Variants in AGO2 observed in about 807,000 individuals in gnomAD.
AGO2 encodes argonaute RISC catalytic component 2.
Under a neutral mutation model 102.3 loss-of-function variants are expected in AGO2, and 5 were observed. The observed-to-expected ratio is 0.05, with a 90% confidence interval of 0.03 to 0.10. AGO2 has a LOEUF of 0.10. Among genes scored for constraint, AGO2 ranks in the 10% least tolerant of loss-of-function variants. The pLI, the probability that AGO2 is intolerant of heterozygous loss-of-function variation, is 1.00. For missense variants in AGO2, 541 were observed against 1,183.7 expected (o/e 0.46, Z 7.97); for synonymous variants, 449 against 473.1 (o/e 0.95, Z 0.66).
chr8:140,605,171 T>C (rs2133056502), intron 1 of AGO2, among the ~76,000 whole-genome samples: 1 of 152,312 alleles, frequency 6.6e-6, no homozygotes, highest in African/African-American at 2.4e-5. Flanking sequence ...CTCAGCTGCC[T>C]GCAACTTCCG....
In AGO2 at chr8:140,549,367, C is replaced by G. The variant is rs551636495; in HGVS notation, c.1404-69G>C. 3.5e-5 allele frequency: 52 copies of G among 1,467,886 alleles called. No homozygotes were observed. In the South Asian group the frequency reaches 5.8e-4, roughly 16 times the overall value. 90.9% of individuals were successfully genotyped at this position (1,467,886 alleles called of 1,614,324 possible). A position where few individuals can be genotyped will look rare whatever the true frequency, so the allele number is the denominator to read the frequency against. On this transcript the variant is annotated intron_variant, in intron 11 of 18. Coordinates refer to ENST00000220592, the MANE Select transcript of AGO2 (RefSeq NM_012154.5). ...AGAGAACTCAGGCCGACCAGAGGCT[C>G]TAACACAAGGGCGTCATTTTTACAA...
chr8:140,624,917 T>C (rs931463275), intron 1 of AGO2, among the ~76,000 whole-genome samples: 66 of 152,276 alleles, frequency 4.3e-4, no homozygotes, highest in Non-Finnish European at 7.5e-4. Context: ...GGATAGTGCA[T>C]GGCACACACC....
At chr8:140,535,329 CT>C (rs1032002886) in intron 17 of AGO2, 138 bp downstream of exon 17, 181 of 864,698 alleles carry the variant, frequency 2.1e-4, no homozygotes, top group Non-Finnish European at 3.0e-4. Flanking sequence ...ACAGCCTGGG[CT>C]CCCCGGTTCC....
chr8:140,542,956 C>T (rs751904409), intron 14 of AGO2, among the ~76,000 whole-genome samples: 8 of 152,148 alleles, frequency 5.3e-5, no homozygotes, highest in Non-Finnish European at 7.3e-5. Context: ...CTGGCCAACA[C>T]GGTGAAACCC....
At chr8:140,607,579 T>C (rs1435435810) in intron 1 of AGO2, among the ~76,000 whole-genome samples, 2 of 149,880 alleles carry the variant, frequency 1.3e-5, no homozygotes, top group African/African-American at 2.5e-5. Context: ...ATGTGTTCTA[T>C]CAGGACAGTG....
At position 140,540,772 on chromosome 8, in the gene AGO2, T is replaced by A. The variant is rs1346026198; in HGVS notation, c.2034+392A>T. Among the ~76,000 whole-genome samples the A allele has an allele frequency of 1.3e-5, 2 of 151,998 alleles. No individual in the cohort carries two copies. Among genetic ancestry groups the A allele is most frequent in the Non-Finnish European group, 2.9e-5 (2 of 68,008 alleles). ...ACACCTCTCACACTGCAGACAGGCGTCCCCAGACGCAATGAGCTCCCCGCC... is the reference window on the plus strand; with the variant it reads ...ACACCTCTCACACTGCAGACAGGCGACCCCAGACGCAATGAGCTCCCCGCC... On this transcript the variant is annotated intron_variant, in intron 15 of 18. Transcript: ENST00000220592. This position sits in a 1 kb window ranked among gnomAD's most constrained non-coding sequence, Gnocchi z 5.0.
At chr8:140,581,817 T>C (rs933239259) in intron 2 of AGO2, among the ~76,000 whole-genome samples, 4 of 152,204 alleles carry the variant, frequency 2.6e-5, no homozygotes, top group African/African-American at 9.6e-5. Context: ...ACATGTTGAG[T>C]GAATCCAACT....
At chr8:140,612,354 G>A (rs893589133) in intron 1 of AGO2, among the ~76,000 whole-genome samples, 2 of 151,982 alleles carry the variant, frequency 1.3e-5, no homozygotes, top group Admixed American at 1.3e-4. Context: ...GTAACTCTGT[G>A]AGCTAGTGTG....
intron 2 of AGO2, among the ~76,000 whole-genome samples, chr8:140,578,395 C>G (rs1011641928): frequency 9.2e-5 from 14 of 152,218 alleles, no homozygotes; most frequent in African/African-American, 3.4e-4. Context: ...ACCCTCTGTC[C>G]ACAAATGATT....
intron 1 of AGO2, among the ~76,000 whole-genome samples, chr8:140,600,084 G>A (rs1407014233): frequency 1.3e-5 from 2 of 152,254 alleles, no homozygotes; most frequent in Non-Finnish European, 2.9e-5. Context: ...CAGCCTCTGT[G>A]AAGATGAGAC....
rs781001079 is a variant in AGO2 at position 140,572,795 on chromosome 8, C to T, written c.336+17G>A. The T allele has an allele frequency of 3.7e-5, 59 of 1,606,862 alleles. No homozygotes were observed. In the South Asian group the frequency reaches 6.2e-4, roughly 17 times the overall value. ...TCACCGTATGTTACTCCACCAAGGG[C>T]ATCCCGGCGAGCTTACCTTGTCCCT... is the stretch of plus-strand genomic sequence containing the variant. On this transcript the variant is annotated intron_variant, in intron 3 of 18. Coordinates refer to ENST00000220592, the MANE Select transcript of AGO2 (RefSeq NM_012154.5).
chr8:140,594,817 G>GA (rs2073800822), intron 1 of AGO2, among the ~76,000 whole-genome samples: 1 of 147,918 alleles, frequency 6.8e-6, no homozygotes. Flanking sequence ...TCGACGGAAA[G>GA]AAAAAAACTG....
intron 5 of AGO2, 52 bp downstream of exon 5, chr8:140,560,322 C>A (rs2073177687): frequency 1.3e-6 from 2 of 1,590,482 alleles, no homozygotes; most frequent in Non-Finnish European, 1.7e-6. Flanking sequence ...TCCTGACCCC[C>A]CAGCCCATGC....
At position 140,611,016 on chromosome 8, in the gene AGO2, G is replaced by C. The variant is rs540706539; in HGVS notation, c.22+24469C>G. On this transcript the variant is annotated intron_variant, in intron 1 of 18. Transcript: ENST00000220592. Reference sequence around the variant, plus strand: ...AGACACGCGCGCATGCAGATCATTCGAGAGTTAAACAGAACAGGAGTTAGG... The same window carrying C: ...AGACACGCGCGCATGCAGATCATTCCAGAGTTAAACAGAACAGGAGTTAGG... Among the ~76,000 whole-genome samples the C allele has an allele frequency of 1.9e-3, 295 of 152,336 alleles. 2 individuals are homozygous for C. Among genetic ancestry groups the C allele is most frequent in the Middle Eastern group, 6.8e-3 (2 of 294 alleles).
At chr8:140,580,412 G>A (rs969983623) in intron 2 of AGO2, among the ~76,000 whole-genome samples, 3 of 152,220 alleles carry the variant, frequency 2.0e-5, no homozygotes, top group East Asian at 1.9e-4. Context: ...GGGAACTCAC[G>A]ACTAAGACGC....
At chr8:140,562,747 G>C in intron 3 of AGO2, 113 bp from the exon 4 acceptor site, 1 of 1,272,616 alleles carries the variant, frequency 7.9e-7, no homozygotes, top group Non-Finnish European at 1.1e-6. Flanking sequence ...CCCCGCCCAG[G>C]CCTCTAGCCA....
intron 2 of AGO2, 77 bp from the exon 3 acceptor site, chr8:140,573,009 A>ATT (rs11293451): frequency 3.3e-4 from 416 of 1,252,202 alleles, no homozygotes; most frequent in East Asian, 1.3e-3. Context: ...TTCTGACGCT[A>ATT]TTTTTTTTTT....
intron 1 of AGO2, among the ~76,000 whole-genome samples, chr8:140,591,484 T>C (rs552373233): frequency 1.9e-4 from 29 of 152,326 alleles, no homozygotes; most frequent in African/African-American, 6.5e-4. Flanking sequence ...TAATGAGTAA[T>C]AGCCTGAAAA....
At chr8:140,622,211 G>T (rs1478259199) in intron 1 of AGO2, among the ~76,000 whole-genome samples, 1 of 152,202 alleles carries the variant, frequency 6.6e-6, no homozygotes, top group African/African-American at 2.4e-5. Context: ...ACGCAGATGG[G>T]TAGTTCCCAG....
Sources: gnomAD v4.1 joint callset for allele counts (sites outside exome capture counted in the v4.1 genomes callset) on GRCh38, gnomAD v4.1.1 for gene constraint, Gnocchi (gnomAD v3.1) non-coding constraint, MANE v1.5 for transcripts, NCBI Gene and HGNC (gene_info 2026-07-23, HGNC 2026-07-21) for gene names.